Variants in CENPP observed in about 807,000 individuals in gnomAD.
CENPP encodes the protein centromere protein P.
Under a neutral mutation model 35.6 loss-of-function variants are expected in CENPP, and 24 were observed. The ratio of observed to expected loss-of-function variants is 0.67; its 90% CI spans 0.49 to 0.95. The LOEUF is 0.95. Among genes scored for constraint, CENPP ranks in the 40% least tolerant of loss-of-function variants. The probability of loss-of-function intolerance (pLI) is 0.00; values close to 1 mark genes in which losing one functional copy is unlikely to be tolerated. For missense variants in CENPP, 332 were observed against 345.3 expected, an observed-to-expected ratio of 0.96 and a Z score of 0.31; for synonymous variants, 120 against 125.5, an observed-to-expected ratio of 0.96 and a Z score of 0.29.
At position 92,614,829 on chromosome 9, in the gene CENPP, CCT is replaced by C. The variant is rs1442291491; in HGVS notation, c.*1684_*1685del. 2 of 152,660 alleles carry C rather than the reference CCT, an allele frequency of 1.3e-5. No individual in the cohort carries two copies. Among genetic ancestry groups the C allele is most frequent in the Non-Finnish European group, 2.9e-5 (2 of 68,054 alleles). 9.5% of individuals were successfully genotyped at this position (152,660 alleles called of 1,614,324 possible). On this transcript the variant is annotated 3_prime_UTR_variant, in exon 8 of 8. Coordinates refer to ENST00000375587, the MANE Select transcript of CENPP (RefSeq NM_001012267.3). ...ACACTTTGGTGACCCCAACGAGAAC[CCT>C]CTCGGCAGCAGCCAGGAGCTGTTCA...
At chr9:92,458,782 A>G (rs1588144403) in intron 5 of CENPP, among the ~76,000 whole-genome samples, 1 of 152,208 alleles carries the variant, frequency 6.6e-6, no homozygotes, top group South Asian at 2.1e-4. Context: ...CTAAACAGAC[A>G]TCCAAATGCA....
rs538152275 is a variant in CENPP at position 92,470,606 on chromosome 9, T to C, written c.564+90747T>C. On this transcript the variant is annotated intron_variant, in intron 5 of 7. Transcript: ENST00000375587. ...GTTTATACTAACATAGTATAATTAA[T>C]CATTATAGCAAAGATACAGAGTTTT... 89 of 876,044 alleles carry C rather than the reference T, an allele frequency of 1.0e-4. 1 individual carries two copies. In the East Asian group the frequency reaches 2.5e-3, roughly 24 times the overall value. The allele number at this position is 876,044 out of a possible 1,614,324, so 54.3% of individuals were successfully genotyped here.
At chr9:92,390,587 T>TGTGTGTGTGTGTGTGTGCGCGC (rs749697394) in intron 5 of CENPP, among the ~76,000 whole-genome samples, 14 of 141,812 alleles carry the variant, frequency 9.9e-5, no homozygotes, top group South Asian at 2.3e-4. Flanking sequence ...TGTGTGTGTG[T>TGTGTGTGTGTGTGTGTGCGCGC]GCGCGCGCGC....
chr9:92,518,008 G>A, intron 5 of CENPP: 1 of 1,046,426 alleles, frequency 9.6e-7, no homozygotes, highest in Non-Finnish European at 1.4e-6. Context: ...TCATGTATAG[G>A]GTAAAGATGT....
intron 5 of CENPP, among the ~76,000 whole-genome samples, chr9:92,531,734 G>A (rs187825396): frequency 1.8e-4 from 27 of 151,920 alleles, no homozygotes; most frequent in African/African-American, 6.0e-4. Flanking sequence ...ATTTTCCTTC[G>A]TTCCTTCCTA....
At chr9:92,562,835 C>T (rs940118631) in intron 5 of CENPP, among the ~76,000 whole-genome samples, 7 of 152,054 alleles carry the variant, frequency 4.6e-5, no homozygotes, top group South Asian at 2.1e-4. Context: ...CTTTGGCAAC[C>T]GATGTAACCC....
At position 92,618,867 on chromosome 9, in the gene CENPP, G is replaced by A. The variant is rs138244015; in HGVS notation, c.*5718G>A. On this transcript the variant is annotated 3_prime_UTR_variant, in exon 8 of 8. Transcript: ENST00000375587. The stretch of plus-strand genomic sequence containing the variant: ...ATGTTAGAAGAATGTGGAACATTCC[G>A]CAAATACTGGGTGCAGGGTTTAGCA... 377 of 343,976 alleles carry A rather than the reference G, an allele frequency of 1.1e-3. 2 individuals carry two copies. The highest frequency in any genetic ancestry group is 7.2e-3 in the African/African-American group (336 of 46,682). The allele number at this position is 343,976 out of a possible 1,614,324, so 21.3% of individuals were successfully genotyped here.
chr9:92,342,536 T>C (rs561063437), intron 3 of CENPP, among the ~76,000 whole-genome samples: 88 of 152,230 alleles, frequency 5.8e-4, no homozygotes, highest in African/African-American at 2.1e-3. Flanking sequence ...GTGTTCTCCC[T>C]GGCTGTGTTA....
At chr9:92,369,966 C>T (rs552682546) in intron 4 of CENPP, among the ~76,000 whole-genome samples, 1 of 152,158 alleles carries the variant, frequency 6.6e-6, no homozygotes, top group East Asian at 1.9e-4. Context: ...TTATATGTAG[C>T]CTGTATTATT....
At chr9:92,448,058 T>C (rs917543865) in intron 5 of CENPP, among the ~76,000 whole-genome samples, 5 of 152,118 alleles carry the variant, frequency 3.3e-5, no homozygotes, top group East Asian at 1.9e-4. Context: ...ATGAAGGATA[T>C]TGGGGAACAC....
At chr9:92,474,935 G>C in intron 5 of CENPP, 1 of 1,547,980 alleles carries the variant, frequency 6.5e-7, no homozygotes, top group Middle Eastern at 1.7e-4. Flanking sequence ...GGACTAAACA[G>C]ACATGGGATA....
intron 3 of CENPP, among the ~76,000 whole-genome samples, chr9:92,338,612 A>AT (rs202018230): frequency 0.031 from 4,645 of 149,716 alleles, 107 homozygotes; most frequent in South Asian, 0.08. Context: ...GCATCTGTAG[A>AT]TTTTTTTTTT....
Position 92,398,887 on chromosome 9 carries a change from C to G in CENPP, c.564+19028C>G, listed in dbSNP as rs989885768. On this transcript the variant is annotated intron_variant, in intron 5 of 7. Transcript: ENST00000375587. Reference sequence around the variant, plus strand: ...GACCAGCCTGACCAACATGGTGAAACCTGTCTCTACTAAAAATACAATAAA... The same window carrying G: ...GACCAGCCTGACCAACATGGTGAAAGCTGTCTCTACTAAAAATACAATAAA... Among the ~76,000 whole-genome samples the G allele has an allele frequency of 1.8e-4, 27 of 152,020 alleles. No homozygotes were observed. In the East Asian group the frequency reaches 5.0e-3, roughly 28 times the overall value.
intron 5 of CENPP, among the ~76,000 whole-genome samples, chr9:92,553,350 G>A (rs1849654267): frequency 6.6e-6 from 1 of 152,136 alleles, no homozygotes; most frequent in South Asian, 2.1e-4. Flanking sequence ...GATGTCTCCA[G>A]ATTTGTTCTT....
At chr9:92,415,141 A>G (rs1348302504) in intron 5 of CENPP, 5 of 1,591,820 alleles carry the variant, frequency 3.1e-6, no homozygotes, top group African/African-American at 1.4e-5. Context: ...GTATACCTAT[A>G]TAGTTTCTTG....
chr9:92,588,807 A>T (rs142641246), intron 5 of CENPP, among the ~76,000 whole-genome samples: 1 of 152,174 alleles, frequency 6.6e-6, no homozygotes, highest in Non-Finnish European at 1.5e-5. Context: ...CTTTCCTGGA[A>T]GAAGCTCCAA....
intron 5 of CENPP, among the ~76,000 whole-genome samples, chr9:92,570,276 T>G (rs1850100698): frequency 6.6e-6 from 1 of 152,172 alleles, no homozygotes; most frequent in Non-Finnish European, 1.5e-5. Flanking sequence ...TATTGAGAGT[T>G]TTTGGCATGA....
At chr9:92,496,571 T>G (rs755694165) in intron 5 of CENPP, 10 of 1,518,754 alleles carry the variant, frequency 6.6e-6, no homozygotes, top group Non-Finnish European at 7.9e-6. Context: ...AAAAAAATTT[T>G]GTTCTTAAAA....
chr9:92,502,562 T>C (rs764609712), intron 5 of CENPP: 1 of 1,612,620 alleles, frequency 6.2e-7, no homozygotes, highest in Admixed American at 1.7e-5. Flanking sequence ...TCAATTTTGT[T>C]ATAACGTAGT....
Sources: allele counts gnomAD v4.1 joint callset (sites outside exome capture counted in the v4.1 genomes callset), GRCh38; gene constraint gnomAD v4.1.1; transcripts MANE v1.5; gene names NCBI Gene and HGNC (gene_info 2026-07-23, HGNC 2026-07-21).